NSMF: variants seen among roughly 807,000 people sequenced by gnomAD.
The protein encoded by NSMF is NMDA receptor synaptonuclear signaling and neuronal migration factor.
Under a neutral mutation model 71.0 loss-of-function variants are expected in NSMF, and 31 were observed. The ratio of observed to expected loss-of-function variants is 0.44; its 90% CI spans 0.33 to 0.59. The LOEUF (loss-of-function observed/expected upper bound fraction) is 0.59, where lower values mean the gene tolerates loss of function less well. Ranked by LOEUF, NSMF falls within the 20% of genes least tolerant of loss-of-function variation. The pLI, the probability that NSMF is intolerant of heterozygous loss-of-function variation, is 0.04. For missense variants in NSMF, 673 were observed against 740.5 expected, an observed-to-expected ratio of 0.91 and a Z score of 1.06; for synonymous variants, 345 against 287.1, an observed-to-expected ratio of 1.20 and a Z score of -2.04.
rs1219623259 is a variant in NSMF, at chr9:137,453,537, G to C, written c.922+194C>G. The C allele has an allele frequency of 2.9e-5, 18 of 611,750 alleles. No homozygotes were observed. The highest frequency in any genetic ancestry group is 2.2e-4 in the African/African-American group (12 of 54,028). The allele number at this position is 611,750 out of a possible 1,614,324, so 37.9% of individuals were successfully genotyped here. The stretch of plus-strand genomic sequence containing the variant: ...ACGGCCCTACAGGCGCCCCCGGCCA[G>C]CACTGCCGCGGCCGTTGTTAGCCCC... On this transcript the variant is annotated intron_variant, in intron 8 of 15. Coordinates refer to ENST00000371475, the MANE Select transcript of NSMF (RefSeq NM_001130969.3). This position sits in a 1 kb window ranked among gnomAD's most constrained non-coding sequence, Gnocchi z 4.5.
rs373616272 is a variant in NSMF, at chr9:137,449,601, T to C, written c.1493A>G (p.Gln498Arg). The C allele has an allele frequency of 8.7e-6, 14 of 1,612,402 alleles. 1 individual carries two copies. The highest frequency in any genetic ancestry group is 1.2e-5 in the Non-Finnish European group (14 of 1,179,682). ...TCGGCCCAGCCTGGGTAACTCACCTTGGGCTGAGAGCTCCAGGGGTGACTC... is the reference window on the plus strand; with the variant it reads ...TCGGCCCAGCCTGGGTAACTCACCTCGGGCTGAGAGCTCCAGGGGTGACTC... ...TFESPLELSA[Q>R]GKQMIETYFD... Residue 498 changes from glutamine (Q) to arginine (R), a missense_variant and splice_region_variant, in exon 15 of 16, where the codon CAA becomes CGA. Around this residue, in one of 2 missense-constraint regions of NSMF, gnomAD observed 202 missense variants for 280.8 expected, o/e 0.72. Coordinates refer to ENST00000371475, the MANE Select transcript of NSMF (RefSeq NM_001130969.3).
At position 137,457,520 on chromosome 9, in the gene NSMF, T is replaced by C; in HGVS notation, c.515A>G (p.Gln172Arg). 6.2e-7 allele frequency: 1 copy of C among 1,609,880 alleles called. No individual in the cohort carries two copies. The highest frequency in any genetic ancestry group is 8.5e-7 in the Non-Finnish European group (1 of 1,178,756). The change falls in exon 3 of 16, where the codon CAG (glutamine) becomes CGG (arginine). Residue 172 changes from glutamine to arginine, a missense_variant. By Grantham distance (43) the Gln-to-Arg change is conservative (BLOSUM62 1). Coordinates refer to ENST00000371475, the MANE Select transcript of NSMF (RefSeq NM_001130969.3). Reference protein sequence around the residue: ...QGSKECPGCAQLAPGPTPRAF... With the variant: ...QGSKECPGCARLAPGPTPRAF... Reference sequence around the variant, plus strand: ...CCGAGGGGTGGGGCCAGGAGCCAGCTGGGCACATCCGGGGCACTCCTTGGA... The same window carrying C: ...CCGAGGGGTGGGGCCAGGAGCCAGCCGGGCACATCCGGGGCACTCCTTGGA...
intron 2 of NSMF, 69 bp from the exon 3 acceptor site, chr9:137,457,970 G>C (rs1233524043): frequency 2.0e-6 from 3 of 1,532,972 alleles, no homozygotes; most frequent in Admixed American, 2.0e-5. Flanking sequence ...ATAGCAGGCC[G>C]AAGGCAGAGA....
chr9:137,457,064 AG>A (rs1210941050), intron 3 of NSMF, among the ~76,000 whole-genome samples: 1 of 151,886 alleles, frequency 6.6e-6, no homozygotes. Flanking sequence ...GGACTCTCGG[AG>A]GGCAGCCCAG....
intron 4 of NSMF, among the ~76,000 whole-genome samples, chr9:137,456,043 C>T (rs1226872255): frequency 6.6e-6 from 1 of 152,238 alleles, no homozygotes; most frequent in Non-Finnish European, 1.5e-5. Flanking sequence ...ACTGTGATGA[C>T]CTATGGCACG....
Position 137,453,002 on chromosome 9 carries a change from T to C in NSMF, c.1047+54A>G. 1 of 1,608,860 alleles carries C rather than the reference T, an allele frequency of 6.2e-7. No homozygotes were observed. Among genetic ancestry groups the C allele is most frequent in the Non-Finnish European group, 8.5e-7 (1 of 1,179,440 alleles). On this transcript the variant is annotated intron_variant, in intron 9 of 15. Transcript: ENST00000371475. The surrounding 1 kb of genome is among the most constrained non-coding windows in gnomAD (Gnocchi z 4.5). Reference sequence around the variant, plus strand: ...CAGGCAGAGCTGGCTGGACTCGGGTTGGGGCGGAGTCCTGCTCGGGGTGTA... The same window carrying C: ...CAGGCAGAGCTGGCTGGACTCGGGTCGGGGCGGAGTCCTGCTCGGGGTGTA...
At chr9:137,454,588 C>A in intron 6 of NSMF, 145 bp from the exon 7 acceptor site, 1 of 1,546,466 alleles carries the variant, frequency 6.5e-7, no homozygotes, top group Non-Finnish European at 8.7e-7. Context: ...CACCACCTCC[C>A]ACCCAAAGGC....
chr9:137,453,251 C>A lies in NSMF; in HGVS notation c.923-71G>T. ...CCTATCCTGGCCATGGCCCCAAGGC[C>A]CACAGGGCCCGAAAGCCCCATCCCG... is the stretch of plus-strand genomic sequence containing the variant. On this transcript the variant is annotated intron_variant, in intron 8 of 15. Coordinates refer to ENST00000371475, the MANE Select transcript of NSMF (RefSeq NM_001130969.3). The surrounding 1 kb of genome is among the most constrained non-coding windows in gnomAD (Gnocchi z 4.5). 1 of 1,600,308 alleles carries A rather than the reference C, an allele frequency of 6.2e-7. No homozygotes were observed. The highest frequency in any genetic ancestry group is 8.5e-7 in the Non-Finnish European group (1 of 1,176,954).
chr9:137,449,610 A>G lies in NSMF; in HGVS notation c.1484T>C (p.Leu495Pro). Reference sequence around the variant, plus strand: ...CCTGGGTAACTCACCTTGGGCTGAGAGCTCCAGGGGTGACTCGAAGGTGAC... The same window carrying G: ...CCTGGGTAACTCACCTTGGGCTGAGGGCTCCAGGGGTGACTCGAAGGTGAC... ...YRVTFESPLE[L>P]SAQGKQMIET... is the part of the protein sequence containing the mutation. The change falls in exon 15 of 16, where the codon CTC becomes CCC. Residue 495 changes from leucine to proline, a missense_variant. Physicochemically the swap from Leu to Pro is moderately conservative, Grantham distance 98. Around this residue, in one of 2 missense-constraint regions of NSMF, gnomAD observed 202 missense variants for 280.8 expected, o/e 0.72. Coordinates refer to ENST00000371475, the MANE Select transcript of NSMF (RefSeq NM_001130969.3). 6.2e-7 allele frequency: 1 copy of G among 1,612,508 alleles called. No individual in the cohort carries two copies. The highest frequency in any genetic ancestry group is 8.5e-7 in the Non-Finnish European group (1 of 1,179,766).
chr9:137,458,417 C>T, intron 2 of NSMF, 71 bp downstream of exon 2: 1 of 1,368,140 alleles, frequency 7.3e-7, no homozygotes, highest in Non-Finnish European at 1.0e-6. Flanking sequence ...GCTCCACCCC[C>T]GGAGGCAGGG....
At chr9:137,456,246 G>GCAGT in intron 4 of NSMF, 165 bp downstream of exon 4, 1 of 729,918 alleles carries the variant, frequency 1.4e-6, no homozygotes, top group Non-Finnish European at 2.5e-6. Context: ...GAGGGGAAGA[G>GCAGT]CAGTCAGCCC....
Position 137,457,759 on chromosome 9 carries a change from G to A in NSMF, c.276C>T (p.Pro92=), listed in dbSNP as rs1053055827. ...CTCGAGGCTGAGGGCCCTCGCCTGC[G>A]GGCTTCCTAATGCTGGGCTCCTCTG... is the stretch of plus-strand genomic sequence containing the variant. ...SLSEEPSIRK[P]AGEGPQPRVY... The change falls in exon 3 of 16, where the codon CCC becomes CCT. Residue 92 remains proline, a synonymous_variant. Coordinates refer to ENST00000371475, the MANE Select transcript of NSMF (RefSeq NM_001130969.3). The A allele has an allele frequency of 1.5e-5, 23 of 1,559,668 alleles. No homozygotes were observed. The highest frequency in any genetic ancestry group is 5.9e-5 in the South Asian group (5 of 84,760).
rs746415448 is a variant in NSMF at position 137,449,463 on chromosome 9, G to A, written c.1524C>T (p.Asp508=). 1.4e-5 allele frequency: 22 copies of A among 1,612,942 alleles called. No individual in the cohort carries two copies. The highest frequency in any genetic ancestry group is 1.8e-5 in the Non-Finnish European group (21 of 1,179,944). ...TCTTCCACAGGCGATACAACCGGAA[G>A]TCAAAGTACGTCTCGATCATCTGCT... ...QGKQMIETYF[D]FRLYRLWKSR... The change falls in exon 16 of 16, where the codon GAC becomes GAT. Residue 508 remains aspartate, a synonymous_variant. Coordinates refer to ENST00000371475, the MANE Select transcript of NSMF (RefSeq NM_001130969.3).
At chr9:137,454,543 CG>C in intron 6 of NSMF, 100 bp from the exon 7 acceptor site, 1 of 1,548,918 alleles carries the variant, frequency 6.5e-7, no homozygotes, top group Non-Finnish European at 8.7e-7. Flanking sequence ...CTCACCCCTT[CG>C]GTGTGGGAAG....
Position 137,454,436 on chromosome 9 carries a change from G to C in NSMF, c.787C>G (p.Arg263Gly). 1 of 1,550,228 alleles carries C rather than the reference G, an allele frequency of 6.5e-7. No homozygotes were observed. The highest frequency in any genetic ancestry group is 1.2e-5 in the South Asian group (1 of 84,056). ...DSASVIQRNFRKHLRMVGSRR... is the reference protein window; with the variant it reads ...DSASVIQRNFGKHLRMVGSRR... ...CTGCCGACCATGCGCAGGTGTTTGC[G>C]GAAGTTCCTGGGGGAGGAAGCCAGG... The change falls in exon 7 of 16, where the codon CGC (arginine) becomes GGC (glycine). Residue 263 changes from arginine (R) to glycine (G), a missense_variant. Coordinates refer to ENST00000371475, the MANE Select transcript of NSMF (RefSeq NM_001130969.3).
intron 6 of NSMF, 129 bp downstream of exon 6, chr9:137,455,110 C>T (rs1564265518): frequency 9.7e-7 from 1 of 1,032,834 alleles, no homozygotes; most frequent in East Asian, 2.4e-5. Flanking sequence ...TGCCACGTCC[C>T]CAGAGCAGGG....
chr9:137,457,506 G>A lies in NSMF; in HGVS notation c.529C>T (p.Pro177Ser), dbSNP rs1448134713. 1 of 1,611,594 alleles carries A rather than the reference G, an allele frequency of 6.2e-7. No individual in the cohort carries two copies. Among genetic ancestry groups the A allele is most frequent in the African/African-American group, 1.3e-5 (1 of 74,882 alleles). ...TCCAGCCCAAAGGCCCGAGGGGTGG[G>A]GCCAGGAGCCAGCTGGGCACATCCG... The part of the protein sequence containing the change: ...CPGCAQLAPG[P>S]TPRAFGLDQP... Residue 177 changes from proline to serine, a missense_variant, in exon 3 of 16, where the codon CCC becomes TCC. Physicochemically the swap from Pro to Ser is moderately conservative, Grantham distance 74 (BLOSUM62 -1). Transcript: ENST00000371475.
In NSMF at chr9:137,459,288, C is replaced by T. The variant is rs1369669686; in HGVS notation, c.-186G>A. 4.6e-6 allele frequency: 1 copy of T among 218,566 alleles called. No homozygotes were observed. The highest frequency in any genetic ancestry group is 2.3e-5 in the African/African-American group (1 of 42,672). 13.5% of individuals were successfully genotyped at this position (218,566 alleles called of 1,614,324 possible). A position where few individuals can be genotyped will look rare whatever the true frequency, so the allele number is the denominator to read the frequency against. ...GGCCCGGTCCCCGCATGGCCGCACCCGGCGCTCCGCGCGTGCCGCCGCTCC... is the reference window on the plus strand; with the variant it reads ...GGCCCGGTCCCCGCATGGCCGCACCTGGCGCTCCGCGCGTGCCGCCGCTCC... On this transcript the variant is annotated 5_prime_UTR_variant, in exon 1 of 16. Transcript: ENST00000371475.
Position 137,458,478 on chromosome 9 carries a change from G to T in NSMF, c.133+10C>A. 9 of 1,578,668 alleles carry T rather than the reference G, an allele frequency of 5.7e-6. No homozygotes were observed. The highest frequency in any genetic ancestry group is 6.9e-6 in the Non-Finnish European group (8 of 1,165,860). ...CTGGGCGGCCCTGGCACGGCCTCGC[G>T]TGCCCCTACCTGCGCCGTTGCGGTT... On this transcript the variant is annotated intron_variant, in intron 2 of 15. Transcript: ENST00000371475.
Sources: gnomAD v4.1 joint callset for allele counts (sites outside exome capture counted in the v4.1 genomes callset) on GRCh38, gnomAD v4.1.1 for gene constraint, gnomAD v4.1.1 regional missense constraint, Gnocchi (gnomAD v3.1) non-coding constraint, MANE v1.5 for transcripts, NCBI Gene and HGNC (gene_info 2026-07-23, HGNC 2026-07-21) for gene names.